Variants in DDX59 observed in about 807,000 individuals in gnomAD.
DDX59 encodes the protein DEAD-box helicase 59, also known as probable ATP-dependent RNA helicase DDX59.
A neutral mutation model predicts 51.9 loss-of-function variants in DDX59; 30 were observed. That is an observed-to-expected ratio of 0.58 (90% CI 0.43 to 0.78). DDX59 has a LOEUF of 0.78. Ranked by LOEUF, DDX59 falls within the 30% of genes least tolerant of loss-of-function variation. DDX59 has a pLI of 0.00. For synonymous variants in DDX59, 255 were observed against 253.3 expected (o/e 1.01, Z -0.06); for missense variants, 672 against 730.8 (o/e 0.92, Z 0.93).
chr1:200,658,492 C>G (rs948262542), intron 4 of DDX59, among the ~76,000 whole-genome samples: 3 of 152,104 alleles, frequency 2.0e-5, no homozygotes, highest in Non-Finnish European at 4.4e-5. Context: ...CCCAGGAGTT[C>G]AAGACTAATC....
At chr1:200,653,799 C>A (rs1433205356) in intron 4 of DDX59, among the ~76,000 whole-genome samples, 3 of 152,154 alleles carry the variant, frequency 2.0e-5, no homozygotes, top group African/African-American at 7.2e-5. Flanking sequence ...GATGGATCTC[C>A]GCATGACCAG....
At chr1:200,657,975 A>G (rs896774726) in intron 4 of DDX59, among the ~76,000 whole-genome samples, 1 of 152,160 alleles carries the variant, frequency 6.6e-6, no homozygotes, top group Non-Finnish European at 1.5e-5. Flanking sequence ...GCTCTAGAAG[A>G]TTAACCAGCT....
chr1:200,667,997 C>T (rs577537171), intron 1 of DDX59, among the ~76,000 whole-genome samples: 9 of 152,226 alleles, frequency 5.9e-5, no homozygotes, highest in Non-Finnish European at 1.2e-4. Flanking sequence ...AACTGAGCCA[C>T]TTAGAAATTA....
chr1:200,645,924 AAATT>A (rs1661267784), intron 7 of DDX59, among the ~76,000 whole-genome samples: 1 of 152,242 alleles, frequency 6.6e-6, no homozygotes, highest in Admixed American at 6.5e-5. Context: ...TGACTTAATT[AAATT>A]ACTGAATTGT....
intron 5 of DDX59, among the ~76,000 whole-genome samples, chr1:200,649,674 T>C (rs570553120): frequency 2.2e-3 from 335 of 150,508 alleles, no homozygotes; most frequent in African/African-American, 7.8e-3. Flanking sequence ...AAAAGGCATA[T>C]TGTTAAAATA....
chr1:200,664,142 T>G (rs992189881), intron 2 of DDX59, 56 bp from the exon 3 acceptor site: 3 of 1,562,330 alleles, frequency 1.9e-6, no homozygotes, highest in Non-Finnish European at 2.6e-6. Flanking sequence ...CCTGCTGATA[T>G]GAACTAAATC....
intron 4 of DDX59, chr1:200,655,153 C>G (rs925194324): frequency 6.6e-6 from 1 of 152,190 alleles, no homozygotes; most frequent in Non-Finnish European, 1.5e-5. Context: ...GGTAATTCAC[C>G]ATGTCTAAAG....
At chr1:200,667,946 CGT>C (rs142189317) in intron 1 of DDX59, among the ~76,000 whole-genome samples, 1 of 151,288 alleles carries the variant, frequency 6.6e-6, no homozygotes, top group African/African-American at 2.4e-5. Context: ...AATGAAAAAA[CGT>C]GTGTGTGTGT....
intron 7 of DDX59, among the ~76,000 whole-genome samples, chr1:200,648,029 TTG>T (rs199563774): frequency 5.6e-4 from 32 of 57,178 alleles, no homozygotes; most frequent in African/African-American, 1.3e-3. Context: ...CTGCTTTTTT[TTG>T]GGGGGGGGGA....
downstream of DDX59, chr1:200,641,016 C>A (rs1661033071): frequency 8.2e-6 from 3 of 366,180 alleles, no homozygotes; most frequent in East Asian, 1.5e-4. Context: ...CACTGTGGCC[C>A]TAGAGCCTCT....
chr1:200,652,793 T>G (rs1661752366), intron 4 of DDX59, among the ~76,000 whole-genome samples: 1 of 151,690 alleles, frequency 6.6e-6, no homozygotes, highest in Non-Finnish European at 1.5e-5. Context: ...CTCAGCCTCC[T>G]GAGTAGCTGG....
At chr1:200,668,188 G>C (rs965916635) in intron 1 of DDX59, among the ~76,000 whole-genome samples, 3 of 151,950 alleles carry the variant, frequency 2.0e-5, no homozygotes, top group Admixed American at 6.6e-5. Context: ...GGCGCCTGTA[G>C]TCCCAGCTAC....
Position 200,666,043 on chromosome 1 carries a change from A to G in DDX59, c.698T>C (p.Met233Thr). 6 of 1,614,220 alleles carry G rather than the reference A, an allele frequency of 3.7e-6. No homozygotes were observed. The highest frequency in any genetic ancestry group is 3.4e-6 in the Non-Finnish European group (4 of 1,180,042). The part of the protein sequence containing the change: ...YEVPTPIQMQ[M>T]IPVGLLGRDI... Reference sequence around the variant, plus strand: ...TCTTCCCAGAAGTCCCACAGGAATCATCTGCATTTGAATGGGAGTTGGCAC... The same window carrying G: ...TCTTCCCAGAAGTCCCACAGGAATCGTCTGCATTTGAATGGGAGTTGGCAC... Residue 233 changes from methionine (M) to threonine (T), a missense_variant, in exon 2 of 8, where the codon ATG becomes ACG. Coordinates refer to ENST00000331314, the MANE Select transcript of DDX59 (RefSeq NM_001031725.6).
intron 2 of DDX59, 97 bp downstream of exon 2, chr1:200,665,840 T>C (rs1662689645): frequency 7.5e-7 from 1 of 1,333,078 alleles, no homozygotes; most frequent in South Asian, 1.6e-5. Flanking sequence ...AATATTTAGT[T>C]TTAGTCTGCA....
rs753783027 is a variant in DDX59 at position 200,650,505 on chromosome 1, G to C, written c.1234C>G (p.Leu412Val). The change falls in exon 5 of 8, where the codon CTA (leucine) becomes GTA (valine). Residue 412 changes from leucine to valine, a missense_variant. Coordinates refer to ENST00000331314, the MANE Select transcript of DDX59 (RefSeq NM_001031725.6). The stretch of plus-strand genomic sequence containing the variant: ...ATCTGACGTACATTGGCACAAGGTA[G>C]GTTCTTTTCTCCAGTGATAATTCTC... The part of the protein sequence containing the change: ...PVRIITGEKN[L>V]PCANVRQIIL... 1.9e-6 allele frequency: 3 copies of C among 1,614,024 alleles called. No individual in the cohort carries two copies. The Admixed American group carries it at 5.0e-5, about 27-fold the overall frequency.
chr1:200,651,451 A>G (rs1661658094), intron 4 of DDX59, among the ~76,000 whole-genome samples: 1 of 152,130 alleles, frequency 6.6e-6, no homozygotes. Context: ...CTGTGTGAGG[A>G]TGCAGGAAGA....
At chr1:200,654,421 A>G (rs1571627184) in intron 4 of DDX59, 2 of 151,150 alleles carry the variant, frequency 1.3e-5, no homozygotes, top group African/African-American at 4.9e-5. Flanking sequence ...GCCTGAGGGG[A>G]AAAAAAACAA....
chr1:200,644,098 A>G lies in DDX59; in HGVS notation c.*156T>C, dbSNP rs935826131. On this transcript the variant is annotated 3_prime_UTR_variant, in exon 8 of 8. Transcript: ENST00000331314. ...CATTTTCTGATGTTTTTAATTTATA[A>G]GAATTAAGGGAAATAAATACAATAT... The G allele has an allele frequency of 1.3e-5, 8 of 617,226 alleles. No individual in the cohort carries two copies. Among genetic ancestry groups the G allele is most frequent in the Admixed American group, 1.0e-4 (2 of 19,334 alleles). 38.2% of individuals were successfully genotyped at this position (617,226 alleles called of 1,614,324 possible).
chr1:200,656,654 A>G (rs796438455), intron 4 of DDX59, among the ~76,000 whole-genome samples: 9 of 152,216 alleles, frequency 5.9e-5, no homozygotes, highest in African/African-American at 2.2e-4. Context: ...GGCACTTGAT[A>G]AATGTTTGCT....
Sources: allele counts gnomAD v4.1 joint callset (sites outside exome capture counted in the v4.1 genomes callset), GRCh38; gene constraint gnomAD v4.1.1; transcripts MANE v1.5; gene names NCBI Gene and HGNC (gene_info 2026-07-23, HGNC 2026-07-21).